The following GALNT10 variants were observed in gnomAD, a reference collection of about 807,000 sequenced individuals.
GALNT10 encodes GalNAc transferase 10.
GALNT10 carries 41 observed loss-of-function variants against 75.0 expected under a neutral mutation model. The ratio of observed to expected loss-of-function variants is 0.55; its 90% CI spans 0.43 to 0.71. GALNT10 has a LOEUF of 0.71. Among genes scored for constraint, GALNT10 ranks in the 30% least tolerant of loss-of-function variants. GALNT10 has a pLI of 0.00. For synonymous variants in GALNT10, 302 were observed against 313.0 expected (o/e 0.96, Z 0.37); for missense variants, 727 against 818.5 (o/e 0.89, Z 1.36).
At chr5:154,247,532 T>C (rs187424060) in intron 1 of GALNT10, among the ~76,000 whole-genome samples, 153 of 152,288 alleles carry the variant, frequency 1.0e-3, no homozygotes, top group African/African-American at 3.6e-3. Flanking sequence ...TTCACATCCT[T>C]GTAAGTTGGA....
intron 1 of GALNT10, among the ~76,000 whole-genome samples, chr5:154,220,786 C>T (rs1752965569): frequency 6.6e-6 from 1 of 152,174 alleles, no homozygotes; most frequent in Admixed American, 6.5e-5. Flanking sequence ...TTCTGACAGA[C>T]TCTGGGGTGA....
intron 1 of GALNT10, chr5:154,220,224 T>C (rs1752958706): frequency 6.6e-6 from 1 of 152,248 alleles, no homozygotes. Context: ...GATCTATTTT[T>C]ATCATTTGGG....
chr5:154,280,636 A>G (rs549343888), intron 1 of GALNT10, among the ~76,000 whole-genome samples: 6 of 152,292 alleles, frequency 3.9e-5, no homozygotes, highest in Admixed American at 1.3e-4. Flanking sequence ...GAAGTTTTCA[A>G]TTGTGATGAA....
chr5:154,304,776 T>C (rs1332417785), intron 3 of GALNT10, among the ~76,000 whole-genome samples: 1 of 152,102 alleles, frequency 6.6e-6, no homozygotes, highest in Non-Finnish European at 1.5e-5. Context: ...AACATAAAGA[T>C]TGAAGGGGAG....
chr5:154,308,656 T>C (rs1754468690), intron 3 of GALNT10, among the ~76,000 whole-genome samples: 1 of 152,148 alleles, frequency 6.6e-6, no homozygotes. Context: ...ATCAGGAACT[T>C]TATCTACGGT....
chr5:154,310,532 A>G (rs1183332252), intron 3 of GALNT10, among the ~76,000 whole-genome samples: 3 of 151,426 alleles, frequency 2.0e-5, no homozygotes, highest in African/African-American at 7.3e-5. Flanking sequence ...TGCAGGCGTG[A>G]TCTCGGCTCA....
rs1756610950 is a variant in GALNT10 at position 154,420,628 on chromosome 5, T to C, written c.*3656T>C. Reference sequence around the variant, plus strand: ...CTCTTTGTGAAAAATCCAAGTAATATTTTAGTTCAAACTTGATCTTGAGCC... The same window carrying C: ...CTCTTTGTGAAAAATCCAAGTAATACTTTAGTTCAAACTTGATCTTGAGCC... On this transcript the variant is annotated 3_prime_UTR_variant, in exon 12 of 12. Coordinates refer to ENST00000297107, the MANE Select transcript of GALNT10 (RefSeq NM_198321.4). The C allele has an allele frequency of 6.6e-6, 1 of 152,230 alleles. No homozygotes were observed. The highest frequency in any genetic ancestry group is 2.4e-5 in the African/African-American group (1 of 41,448). 9.4% of individuals were successfully genotyped at this position (152,230 alleles called of 1,614,324 possible). A position where few individuals can be genotyped will look rare whatever the true frequency, so the allele number is the denominator to read the frequency against.
intron 1 of GALNT10, among the ~76,000 whole-genome samples, chr5:154,196,085 G>A (rs909450847): frequency 1.3e-5 from 2 of 152,016 alleles, no homozygotes; most frequent in Admixed American, 1.3e-4. Context: ...CACCAAGCCT[G>A]GCTAATTTTG....
At chr5:154,232,560 G>A (rs556886552) in intron 1 of GALNT10, among the ~76,000 whole-genome samples, 1 of 152,286 alleles carries the variant, frequency 6.6e-6, no homozygotes, top group East Asian at 1.9e-4. Context: ...CAAATAGGCT[G>A]GCATAAGGGT....
chr5:154,190,967 G>A lies in GALNT10; in HGVS notation c.101G>A (p.Arg34Gln). The change falls in exon 1 of 12, where the codon CGG becomes CAG. Residue 34 changes from arginine (R) to glutamine (Q), a missense_variant. By Grantham distance (43) the Arg-to-Gln change is conservative. Transcript: ENST00000297107. ...NVGLWALYRE[R>Q]QPDGTPGGSG... ...GGGCTTTGGGCGCTGTACCGCGAGC[G>A]GCAGCCCGACGGCACCCCTGGGGGA... 2.7e-6 allele frequency: 4 copies of A among 1,506,976 alleles called. No individual in the cohort carries two copies. Among genetic ancestry groups the A allele is most frequent in the Non-Finnish European group, 3.5e-6 (4 of 1,129,112 alleles). The allele number at this position is 1,506,976 out of a possible 1,614,324, so 93.4% of individuals were successfully genotyped here.
intron 1 of GALNT10, among the ~76,000 whole-genome samples, chr5:154,228,545 T>A (rs1753096625): frequency 6.6e-6 from 1 of 152,246 alleles, no homozygotes; most frequent in African/African-American, 2.4e-5. Context: ...TTGTCAGATC[T>A]CCCAGGTACT....
chr5:154,254,773 A>G (rs1753581770), intron 1 of GALNT10, among the ~76,000 whole-genome samples: 1 of 152,172 alleles, frequency 6.6e-6, no homozygotes, highest in South Asian at 2.1e-4. Context: ...GGCTGCAAGT[A>G]ACAGAAAACT....
intron 4 of GALNT10, chr5:154,337,707 C>T (rs1754966009): frequency 1.7e-6 from 2 of 1,202,376 alleles, no homozygotes; most frequent in Non-Finnish European, 2.4e-6. Flanking sequence ...ATAGCCATCC[C>T]CACCGCCACC....
chr5:154,229,556 A>C (rs1753115395), intron 1 of GALNT10, among the ~76,000 whole-genome samples: 1 of 151,136 alleles, frequency 6.6e-6, no homozygotes, highest in Non-Finnish European at 1.5e-5. Context: ...GTGAAACCCC[A>C]TCTCTACTAA....
At chr5:154,348,356 A>G (rs966105036) in intron 4 of GALNT10, among the ~76,000 whole-genome samples, 2 of 152,234 alleles carry the variant, frequency 1.3e-5, no homozygotes, top group African/African-American at 4.8e-5. Flanking sequence ...CCTTTCAAAT[A>G]TTACATCACC....
intron 4 of GALNT10, among the ~76,000 whole-genome samples, chr5:154,373,646 A>T (rs1374149128): frequency 1.3e-5 from 2 of 152,106 alleles, no homozygotes; most frequent in Non-Finnish European, 2.9e-5. Flanking sequence ...CATCATCTTC[A>T]TTTAAAGTCC....
At chr5:154,337,827 T>C in intron 4 of GALNT10, 2 of 1,009,194 alleles carry the variant, frequency 2.0e-6, no homozygotes, top group Non-Finnish European at 3.1e-6. Flanking sequence ...ACCACCAAAG[T>C]TTCCAGAGCC....
intron 1 of GALNT10, among the ~76,000 whole-genome samples, chr5:154,221,448 C>T (rs1752977038): frequency 6.6e-6 from 1 of 152,180 alleles, no homozygotes. Flanking sequence ...ACTGAGTCTG[C>T]ACATCCTGCA....
chr5:154,281,656 TC>T lies in GALNT10; in HGVS notation c.160-13158del, dbSNP rs1419644721. 7.2e-5 allele frequency among the ~76,000 whole-genome samples: 11 copies of T among 152,348 alleles called. No homozygotes were observed. The South Asian group carries it at 8.3e-4, about 11-fold the overall frequency. On this transcript the variant is annotated intron_variant, in intron 1 of 11. Coordinates refer to ENST00000297107, the MANE Select transcript of GALNT10 (RefSeq NM_198321.4). ...CACACCCTAACCTAAGCTAAGCTGTTCCTCAGTCTTTCAAGCCTGAAGAGAA... is the reference window on the plus strand; with the variant it reads ...CACACCCTAACCTAAGCTAAGCTGTTCTCAGTCTTTCAAGCCTGAAGAGAA...
Sources: allele counts gnomAD v4.1 joint callset (sites outside exome capture counted in the v4.1 genomes callset), GRCh38; gene constraint gnomAD v4.1.1; transcripts MANE v1.5; gene names NCBI Gene and HGNC (gene_info 2026-07-23, HGNC 2026-07-21).